The following GRIA4 variants were observed in gnomAD, a reference collection of about 807,000 sequenced individuals.
The protein encoded by GRIA4 is glutamate receptor 4.
A neutral mutation model predicts 104.0 loss-of-function variants in GRIA4; 34 were observed. The ratio of observed to expected loss-of-function variants is 0.33; its 90% CI spans 0.25 to 0.44. The LOEUF is 0.44. Ranked by LOEUF, GRIA4 falls within the 20% of genes least tolerant of loss-of-function variation. The pLI is 1.00. For synonymous variants in GRIA4, 386 were observed against 381.9 expected, an observed-to-expected ratio of 1.01 and a Z score of -0.13; for missense variants, 750 against 1,096.5, an observed-to-expected ratio of 0.68 and a Z score of 4.46.
chr11:105,853,288 C>T (rs1944886149), intron 4 of GRIA4, among the ~76,000 whole-genome samples: 1 of 152,064 alleles, frequency 6.6e-6, no homozygotes, highest in African/African-American at 2.4e-5. Flanking sequence ...TACTTCAATC[C>T]TAAGTTTCTG....
In GRIA4 at chr11:105,672,888, A is replaced by G. The variant is rs149076834; in HGVS notation, c.247+60454A>G. Among the ~76,000 whole-genome samples, 54 of 152,248 alleles carry G rather than the reference A, an allele frequency of 3.5e-4. No homozygotes were observed. In the East Asian group the frequency reaches 0.01, roughly 29 times the overall value. ...TTATATTATTTCAGTTATATTATTTATTAAATGCAGGTATTCATTTAAAAT... is the reference window on the plus strand; with the variant it reads ...TTATATTATTTCAGTTATATTATTTGTTAAATGCAGGTATTCATTTAAAAT... On this transcript the variant is annotated intron_variant, in intron 3 of 16. Coordinates refer to ENST00000282499, the MANE Select transcript of GRIA4 (RefSeq NM_000829.4).
chr11:105,618,320 T>C (rs975057786), intron 3 of GRIA4, among the ~76,000 whole-genome samples: 3 of 151,964 alleles, frequency 2.0e-5, no homozygotes, highest in African/African-American at 7.2e-5. Flanking sequence ...GAGAATCAAT[T>C]GGAAGAGGAC....
intron 5 of GRIA4, among the ~76,000 whole-genome samples, chr11:105,867,867 CTG>C (rs1379866745): frequency 6.6e-6 from 1 of 152,234 alleles, no homozygotes; most frequent in East Asian, 1.9e-4. Flanking sequence ...GGCATACACT[CTG>C]ACAGTAGGAA....
chr11:105,966,347 G>A (rs1244577857), intron 14 of GRIA4, among the ~76,000 whole-genome samples: 1 of 152,222 alleles, frequency 6.6e-6, no homozygotes, highest in East Asian at 1.9e-4. Flanking sequence ...AAAGTAGGAA[G>A]GGATGTTAAG....
intron 14 of GRIA4, among the ~76,000 whole-genome samples, chr11:105,935,231 T>C (rs1003951671): frequency 6.6e-6 from 1 of 152,066 alleles, no homozygotes; most frequent in Non-Finnish European, 1.5e-5. Context: ...GGTTTTATAG[T>C]ATGTCACAAA....
In GRIA4 at chr11:105,634,423, AAGGAAGGGAGGAGAAAGGAAGGAAGG is replaced by A. The variant is rs1239274851; in HGVS notation, c.247+21992_247+22017del. Among the ~76,000 whole-genome samples the A allele has an allele frequency of 9.7e-3, 1,443 of 148,898 alleles. 17 individuals are homozygous for A. The highest frequency in any genetic ancestry group is 0.055 in the Middle Eastern group (16 of 290). ...AGGAAGGAGAAAGGAAGGAAGGAGA[AAGGAAGGGAGGAGAAAGGAAGGAAGG>A]AGAAAGAAAGAAAGAAAGGGAAAGA... On this transcript the variant is annotated intron_variant, in intron 3 of 16. Coordinates refer to ENST00000282499, the MANE Select transcript of GRIA4 (RefSeq NM_000829.4).
chr11:105,693,416 A>G (rs1427696963), intron 3 of GRIA4, among the ~76,000 whole-genome samples: 1 of 152,148 alleles, frequency 6.6e-6, no homozygotes, highest in African/African-American at 2.4e-5. Context: ...TTCGATTGTG[A>G]AAATACAGTA....
intron 4 of GRIA4, among the ~76,000 whole-genome samples, chr11:105,757,250 G>A (rs959998581): frequency 1.5e-4 from 23 of 152,234 alleles, no homozygotes; most frequent in African/African-American, 5.3e-4. Context: ...TATGTGTCCG[G>A]CTCCTTTAAC....
chr11:105,755,652 G>T (rs1209136321), intron 4 of GRIA4, among the ~76,000 whole-genome samples: 1 of 152,186 alleles, frequency 6.6e-6, no homozygotes. Context: ...TTCTGAATGT[G>T]TCTGTGAGGT....
rs116955481 is a variant in GRIA4, at chr11:105,795,688, C to T, written c.487+42468C>T. 8.5e-3 allele frequency among the ~76,000 whole-genome samples: 1,296 copies of T among 152,182 alleles called. 17 individuals carry two copies. Among genetic ancestry groups the T allele is most frequent in the Non-Finnish European group, 0.011 (749 of 68,012 alleles). ...AAGCACTAAGCCAGGGAAAGCAACA[C>T]TTAATGGTTGTAATAATTTGAGAAG... On this transcript the variant is annotated intron_variant, in intron 4 of 16. Coordinates refer to ENST00000282499, the MANE Select transcript of GRIA4 (RefSeq NM_000829.4).
chr11:105,831,524 T>C (rs1047772593), intron 4 of GRIA4, among the ~76,000 whole-genome samples: 5 of 152,034 alleles, frequency 3.3e-5, no homozygotes, highest in African/African-American at 1.2e-4. Context: ...TTGTATGCAG[T>C]GTTAAAATGT....
chr11:105,927,407 A>G (rs1230859405), intron 13 of GRIA4, among the ~76,000 whole-genome samples: 5 of 152,134 alleles, frequency 3.3e-5, no homozygotes, highest in African/African-American at 1.2e-4. Flanking sequence ...CTATTCTGTA[A>G]CAATGAACTT....
chr11:105,701,395 A>G (rs1591101031), intron 3 of GRIA4, among the ~76,000 whole-genome samples: 2 of 152,326 alleles, frequency 1.3e-5, no homozygotes, highest in East Asian at 3.9e-4. Flanking sequence ...TTCATATTAC[A>G]TCTACTTGGA....
intron 13 of GRIA4, among the ~76,000 whole-genome samples, chr11:105,929,776 A>G (rs972778503): frequency 1.4e-4 from 21 of 152,128 alleles, no homozygotes; most frequent in Non-Finnish European, 4.4e-5. Flanking sequence ...ACTATAACAC[A>G]TGACATTTGT....
At chr11:105,931,719 A>C (rs1947881922) in intron 13 of GRIA4, among the ~76,000 whole-genome samples, 1 of 152,134 alleles carries the variant, frequency 6.6e-6, no homozygotes, top group African/African-American at 2.4e-5. Context: ...CTCAAAAAAA[A>C]AATGAATATA....
At chr11:105,811,775 C>T (rs977132437) in intron 4 of GRIA4, among the ~76,000 whole-genome samples, 14 of 152,142 alleles carry the variant, frequency 9.2e-5, no homozygotes, top group Non-Finnish European at 1.8e-4. Flanking sequence ...CCTGCTATAC[C>T]TGGCAACCTT....
intron 3 of GRIA4, among the ~76,000 whole-genome samples, chr11:105,629,744 A>G (rs983548015): frequency 6.6e-6 from 1 of 152,254 alleles, no homozygotes; most frequent in Non-Finnish European, 1.5e-5. Flanking sequence ...AGGAACAGAT[A>G]AACTAAGGGA....
intron 3 of GRIA4, among the ~76,000 whole-genome samples, chr11:105,643,964 C>T (rs977261712): frequency 2.0e-5 from 3 of 152,286 alleles, no homozygotes; most frequent in Admixed American, 2.0e-4. Flanking sequence ...GGTGATCCAC[C>T]TGCCTCGGCC....
At chr11:105,919,972 G>C (rs1056802489) in intron 11 of GRIA4, among the ~76,000 whole-genome samples, 7 of 152,080 alleles carry the variant, frequency 4.6e-5, no homozygotes, top group Non-Finnish European at 8.8e-5. Flanking sequence ...GAAGTCCTAG[G>C]AGGGACTCAC....
Sources: allele counts gnomAD v4.1 joint callset (sites outside exome capture counted in the v4.1 genomes callset), GRCh38; gene constraint gnomAD v4.1.1; transcripts MANE v1.5; gene names NCBI Gene and HGNC (gene_info 2026-07-23, HGNC 2026-07-21).